MAN2A1: variants seen among roughly 807,000 people sequenced by gnomAD.
The protein encoded by MAN2A1 is mannosidase alpha class 2A member 1.
In MAN2A1, 76 loss-of-function variants were observed where a neutral mutation model predicts 142.6. The ratio of observed to expected loss-of-function variants is 0.53; its 90% confidence interval spans 0.44 to 0.65. The LOEUF is 0.65. MAN2A1 is among the 30% of genes least tolerant of loss of function. MAN2A1 has a pLI of 0.00. For missense variants in MAN2A1, 1,311 were observed against 1,365.1 expected (o/e 0.96, Z 0.62); for synonymous variants, 559 against 473.2 (o/e 1.18, Z -2.35).
intron 19 of MAN2A1, chr5:109,853,890 A>G (rs548324435): frequency 3.9e-5 from 6 of 152,256 alleles, no homozygotes; most frequent in African/African-American, 1.4e-4. Context: ...CAGTATCTTA[A>G]TATTGCAGTG....
chr5:109,716,144 T>C lies in MAN2A1; in HGVS notation c.415T>C (p.Ser139Pro). ...VQMLDVYSLISFDNPDGGVWK... is the reference protein window; with the variant it reads ...VQMLDVYSLIPFDNPDGGVWK... The stretch of plus-strand genomic sequence containing the variant: ...GATGTTGGATGTTTACAGTCTAATT[T>C]CTTTTGACAATCCAGATGGTGGAGT... Residue 139 changes from serine (S) to proline (P), a missense_variant, in exon 3 of 22, where the codon TCT becomes CCT. This residue lies in a region of MAN2A1 where 409 missense variants were observed against 412.7 expected (regional missense o/e 0.99). Coordinates refer to ENST00000261483, the MANE Select transcript of MAN2A1 (RefSeq NM_002372.4). 1 of 1,610,236 alleles carries C rather than the reference T, an allele frequency of 6.2e-7. No homozygotes were observed. The highest frequency in any genetic ancestry group is 1.1e-5 in the South Asian group (1 of 90,312).
At chr5:109,859,294 A>G (rs767702079) in intron 20 of MAN2A1, among the ~76,000 whole-genome samples, 3 of 152,224 alleles carry the variant, frequency 2.0e-5, no homozygotes, top group Admixed American at 6.5e-5. Context: ...ATTGCTCTAT[A>G]TTAGTAGATG....
At position 109,770,267 on chromosome 5, in the gene MAN2A1, T is replaced by C. The variant is rs566791484; in HGVS notation, c.1010-88T>C. On this transcript the variant is annotated intron_variant, in intron 6 of 21. Transcript: ENST00000261483. ...ATTTAGCACAGAGCTAAATCAGCAT[T>C]ACTTTGTGTAAAGTAATGACATTTT... 1.2e-4 allele frequency: 150 copies of C among 1,229,382 alleles called. 1 individual carries two copies. In the African/African-American group the frequency reaches 2.0e-3, roughly 16 times the overall value. The allele number at this position is 1,229,382 out of a possible 1,614,324, so 76.2% of individuals were successfully genotyped here.
intron 12 of MAN2A1, among the ~76,000 whole-genome samples, chr5:109,793,923 T>C (rs1012448095): frequency 6.6e-6 from 1 of 152,204 alleles, no homozygotes. Flanking sequence ...AAACAATTCT[T>C]CTGGCACTAA....
rs1753118227 is a variant in MAN2A1 at position 109,770,556 on chromosome 5, A to G, written c.1196+15A>G. 4 of 1,609,180 alleles carry G rather than the reference A, an allele frequency of 2.5e-6. No homozygotes were observed. The highest frequency in any genetic ancestry group is 4.5e-5 in the East Asian group (2 of 44,794). On this transcript the variant is annotated intron_variant, in intron 7 of 21. Transcript: ENST00000261483. ...GTCCAAAGCAGGTATGAAAATGCGT[A>G]TTTCATAAGACAACATCTTGAATAA...
intron 12 of MAN2A1, among the ~76,000 whole-genome samples, chr5:109,796,978 C>A (rs952926714): frequency 6.6e-6 from 1 of 152,154 alleles, no homozygotes. Context: ...CTGGCAAATA[C>A]CTGGCACACA....
intron 1 of MAN2A1, among the ~76,000 whole-genome samples, chr5:109,713,040 T>C (rs1336953777): frequency 2.0e-5 from 3 of 152,192 alleles, no homozygotes; most frequent in Admixed American, 2.0e-4. Context: ...GATTTTTCCA[T>C]AGATGATATT....
At position 109,761,394 on chromosome 5, in the gene MAN2A1, T is replaced by C. The variant is rs144745692; in HGVS notation, c.835+5938T>C. Among the ~76,000 whole-genome samples the C allele has an allele frequency of 6.3e-3, 960 of 151,960 alleles. 12 individuals carry two copies. The highest frequency in any genetic ancestry group is 0.022 in the African/African-American group (910 of 41,516). On this transcript the variant is annotated intron_variant, in intron 5 of 21. Transcript: ENST00000261483. ...GTGCTATTTATAGTGTTTAGAAAAT[T>C]ATTTTCTTCTTAGTATTTTTCACTT...
At chr5:109,728,567 A>ATT (rs1442402705) in intron 3 of MAN2A1, among the ~76,000 whole-genome samples, 1 of 152,180 alleles carries the variant, frequency 6.6e-6, no homozygotes, top group Non-Finnish European at 1.5e-5. Context: ...TGGTGTTAAA[A>ATT]ATGTTTCTTA....
intron 4 of MAN2A1, among the ~76,000 whole-genome samples, chr5:109,744,200 G>A (rs1218593463): frequency 6.6e-6 from 1 of 152,054 alleles, no homozygotes; most frequent in Non-Finnish European, 1.5e-5. Context: ...GACTGACCTG[G>A]TCCCAGCCCT....
chr5:109,779,561 G>A (rs950395237), intron 8 of MAN2A1, among the ~76,000 whole-genome samples: 1 of 89,986 alleles, frequency 1.1e-5, no homozygotes, highest in Non-Finnish European at 2.0e-5. Context: ...ACACACACAC[G>A]CGTGCACACA....
rs2112529096 is a variant in MAN2A1, at chr5:109,690,208, G to A, written c.-210G>A. 1.8e-6 allele frequency: 1 copy of A among 542,860 alleles called. No homozygotes were observed. The highest frequency in any genetic ancestry group is 3.3e-6 in the Non-Finnish European group (1 of 303,576). 33.6% of individuals were successfully genotyped at this position (542,860 alleles called of 1,614,324 possible). The stretch of plus-strand genomic sequence containing the variant: ...CCTCGAGAGGGGCGCCCGACCCCGG[G>A]GAGGGCGGCAGGCCAGGGCGAAGGC... On this transcript the variant is annotated 5_prime_UTR_variant, in exon 1 of 22. Coordinates refer to ENST00000261483, the MANE Select transcript of MAN2A1 (RefSeq NM_002372.4).
At chr5:109,704,822 G>A (rs534983594) in intron 1 of MAN2A1, among the ~76,000 whole-genome samples, 1 of 152,308 alleles carries the variant, frequency 6.6e-6, no homozygotes, top group South Asian at 2.1e-4. Flanking sequence ...GGGGATGTGT[G>A]AGAATCGCCT....
chr5:109,779,272 CA>C (rs1307503147), intron 8 of MAN2A1, among the ~76,000 whole-genome samples: 1 of 152,050 alleles, frequency 6.6e-6, no homozygotes, highest in Admixed American at 6.6e-5. Flanking sequence ...TGGCTCATAC[CA>C]AAAACTAATT....
At chr5:109,725,360 C>T (rs1751714745) in intron 3 of MAN2A1, among the ~76,000 whole-genome samples, 1 of 152,166 alleles carries the variant, frequency 6.6e-6, no homozygotes, top group East Asian at 1.9e-4. Flanking sequence ...CTGTCCCAAA[C>T]CAGGAAGGAC....
chr5:109,784,880 A>G lies in MAN2A1; in HGVS notation c.1714A>G (p.Ile572Val), dbSNP rs1440475670. ...GGGACTGTTTCAACATCATGATGCT[A>G]TCACAGGAACTGCAAAAGACTGGGT... ...NLGLFQHHDA[I>V]TGTAKDWVVV... Residue 572 changes from isoleucine (I) to valine (V), a missense_variant, in exon 10 of 22, where the codon ATC becomes GTC. Physicochemically the swap from Ile to Val is conservative, Grantham distance 29 (BLOSUM62 3). This residue lies in a region of MAN2A1 where 890 missense variants were observed against 920.5 expected (regional missense o/e 0.97). Coordinates refer to ENST00000261483, the MANE Select transcript of MAN2A1 (RefSeq NM_002372.4). 6.2e-7 allele frequency: 1 copy of G among 1,611,542 alleles called. No homozygotes were observed. Among genetic ancestry groups the G allele is most frequent in the South Asian group, 1.1e-5 (1 of 90,386 alleles).
At chr5:109,828,036 C>T (rs894421008) in intron 16 of MAN2A1, among the ~76,000 whole-genome samples, 5 of 149,928 alleles carry the variant, frequency 3.3e-5, no homozygotes, top group Non-Finnish European at 5.9e-5. Flanking sequence ...ACGCAGGAGG[C>T]GGAGGTTGCA....
intron 20 of MAN2A1, among the ~76,000 whole-genome samples, chr5:109,860,327 G>A (rs1452397784): frequency 6.6e-6 from 1 of 152,132 alleles, no homozygotes; most frequent in African/African-American, 2.4e-5. Context: ...CCTAAAAAAT[G>A]AATTTCTACT....
chr5:109,866,735 C>A, intron 21 of MAN2A1, 111 bp from the exon 22 acceptor site: 1 of 627,888 alleles, frequency 1.6e-6, no homozygotes, highest in Non-Finnish European at 2.7e-6. Flanking sequence ...CAAAAGAGAA[C>A]TTCAACATAC....
Sources: gnomAD v4.1 joint callset for allele counts (sites outside exome capture counted in the v4.1 genomes callset) on GRCh38, gnomAD v4.1.1 for gene constraint, gnomAD v4.1.1 regional missense constraint, MANE v1.5 for transcripts, NCBI Gene and HGNC (gene_info 2026-07-23, HGNC 2026-07-21) for gene names.